RIF1: variants seen among roughly 807,000 people sequenced by gnomAD.
RIF1 encodes replication timing regulatory factor 1.
Under a neutral mutation model 247.1 loss-of-function variants are expected in RIF1, and 45 were observed. The ratio of observed to expected loss-of-function variants is 0.18; its 90% confidence interval spans 0.14 to 0.23. The LOEUF (loss-of-function observed/expected upper bound fraction) is 0.23. Among genes scored for constraint, RIF1 ranks in the 10% least tolerant of loss-of-function variants. The pLI, the probability that RIF1 is intolerant of heterozygous loss-of-function variation, is 1.00. For synonymous variants in RIF1, 1,087 were observed against 978.8 expected (o/e 1.11, Z -2.06); for missense variants, 2,967 against 2,862.5 (o/e 1.04, Z -0.83).
downstream of RIF1, chr2:151,486,630 A>C (rs1459016844): frequency 6.6e-6 from 1 of 152,310 alleles, no homozygotes; most frequent in Non-Finnish European, 1.5e-5. Context: ...ATGCATAAGC[A>C]AGATCTGGTA....
the RIF1 span, chr2:151,532,216 C>T: frequency 8.8e-6 from 2 of 226,692 alleles, no homozygotes; most frequent in Non-Finnish European, 8.7e-6. Flanking sequence ...TCTGCCTCAG[C>T]CTCCCAAGTT....
rs189655274 is a variant in RIF1, at chr2:151,499,356, G to A, written c.*525G>A. ...CTCCATCTCTGGAGTGATGGGGATT[G>A]GAATCCCTTTTCCAACGTTTTCTTT... On this transcript the variant is annotated 3_prime_UTR_variant and NMD_transcript_variant, in exon 11 of 14. Transcript: ENST00000454583. 732 of 1,546,346 alleles carry A rather than the reference G, an allele frequency of 4.7e-4. 5 individuals are homozygous for A. The African/African-American group carries it at 9.0e-3, about 19-fold the overall frequency.
chr2:151,433,386 T>C (rs1690529252), intron 10 of RIF1, among the ~76,000 whole-genome samples, 158 bp downstream of exon 10: 1 of 152,228 alleles, frequency 6.6e-6, no homozygotes, highest in African/African-American at 2.4e-5. Flanking sequence ...TAAATTCATT[T>C]CCCACAAGGG....
At chr2:151,498,423 T>C (rs578076414) in intron 10 of RIF1, 16 of 1,103,770 alleles carry the variant, frequency 1.4e-5, no homozygotes, top group Non-Finnish European at 2.1e-5. Context: ...TTTGGAGCAG[T>C]TGGGAGTGGG....
chr2:151,458,313 A>G (rs1482723902), intron 24 of RIF1, among the ~76,000 whole-genome samples: 6 of 149,270 alleles, frequency 4.0e-5, no homozygotes, highest in Non-Finnish European at 7.4e-5. Context: ...GCTCACTGCA[A>G]GCTCTGCCTC....
At position 151,463,345 on chromosome 2, in the gene RIF1, T is replaced by C. The variant is rs758816261; in HGVS notation, c.3825T>C (p.Ser1275=). The C allele has an allele frequency of 2.5e-6, 4 of 1,613,758 alleles. No homozygotes were observed. The Admixed American group carries it at 6.7e-5, about 27-fold the overall frequency. ...AKQREGTFSK[S]DSEKIVNGTK... Reference sequence around the variant, plus strand: ...AAAGAGAAGGGACTTTTTCAAAATCTGATTCTGAAAAAATAGTGAATGGAA... The same window carrying C: ...AAAGAGAAGGGACTTTTTCAAAATCCGATTCTGAAAAAATAGTGAATGGAA... Residue 1275 remains serine (S), a synonymous_variant, in exon 30 of 36, where the codon TCT becomes TCC. Transcript: ENST00000444746.
At chr2:151,529,138 TA>T in the RIF1 span, 1 of 1,010,558 alleles carries the variant, frequency 9.9e-7, no homozygotes, top group Non-Finnish European at 1.6e-6. Context: ...TGAAGAGATG[TA>T]AAAAGAGGCC....
At chr2:151,457,088 T>G (rs529873095) in intron 23 of RIF1, among the ~76,000 whole-genome samples, 3 of 121,610 alleles carry the variant, frequency 2.5e-5, no homozygotes, top group South Asian at 4.4e-4. Context: ...ATTTATAGGG[T>G]TTTTTTTTTT....
chr2:151,448,487 C>A (rs1693709229), intron 20 of RIF1, among the ~76,000 whole-genome samples: 1 of 152,104 alleles, frequency 6.6e-6, no homozygotes, highest in African/African-American at 2.4e-5. Context: ...ATATCCTCTA[C>A]TTGTTATTAG....
At chr2:151,502,842 A>T in intron 11 of RIF1, 1 of 1,608,992 alleles carries the variant, frequency 6.2e-7, no homozygotes, top group East Asian at 2.2e-5. Context: ...CTCTGGAGTG[A>T]TAGGTGTTGG....
chr2:151,465,406 A>C lies in RIF1; in HGVS notation c.5886A>C (p.Lys1962Asn), dbSNP rs200727646. 6.2e-7 allele frequency: 1 copy of C among 1,613,742 alleles called. No individual in the cohort carries two copies. Among genetic ancestry groups the C allele is most frequent in the East Asian group, 2.2e-5 (1 of 44,872 alleles). Residue 1962 changes from lysine (K) to asparagine (N), a missense_variant, in exon 30 of 36, where the codon AAA becomes AAC. By Grantham distance (94) the Lys-to-Asn change is moderately conservative. Around this residue, in one of 7 missense-constraint regions of RIF1, gnomAD observed 2,028 missense variants for 1,825.6 expected, o/e 1.11. Coordinates refer to ENST00000444746, the MANE Select transcript of RIF1 (RefSeq NM_018151.5). ...CAGACACAGCTAAACTGAATGCCAA[A>C]GAAGTAGCAACTGAGGAATTTAATT... Reference protein sequence around the residue: ...SEADTAKLNAKEVATEEFNSD... With the variant: ...SEADTAKLNANEVATEEFNSD...
At chr2:151,412,754 A>G (rs879622928) in intron 3 of RIF1, among the ~76,000 whole-genome samples, 6 of 151,916 alleles carry the variant, frequency 3.9e-5, no homozygotes, top group Non-Finnish European at 7.4e-5. Context: ...GAGGGCTAGG[A>G]TTATAGGTGT....
At chr2:151,490,632 A>T in intron 9 of RIF1, 2 of 1,302,640 alleles carry the variant, frequency 1.5e-6, no homozygotes, top group Non-Finnish European at 2.1e-6. Context: ...GGTTTTAAGT[A>T]CTTTCCCATG....
intron 30 of RIF1, among the ~76,000 whole-genome samples, chr2:151,467,782 T>C (rs1383269092): frequency 6.6e-6 from 1 of 152,134 alleles, no homozygotes; most frequent in Non-Finnish European, 1.5e-5. Context: ...TTTGGTATTA[T>C]GCAGAGACAG....
chr2:151,497,944 G>GTTAT (rs939312171), intron 10 of RIF1: 190 of 1,444,070 alleles, frequency 1.3e-4, no homozygotes, highest in Non-Finnish European at 1.6e-4. Context: ...AGTTATCCAT[G>GTTAT]TTATTTTTTT....
chr2:151,434,097 G>A (rs937927025), intron 10 of RIF1, among the ~76,000 whole-genome samples: 1 of 150,550 alleles, frequency 6.6e-6, no homozygotes, highest in African/African-American at 2.4e-5. Context: ...GAACCCAGGA[G>A]ATGGAGGTTG....
intron 19 of RIF1, 150 bp downstream of exon 19, chr2:151,445,595 T>G (rs1281840124): frequency 1.6e-6 from 1 of 619,278 alleles, no homozygotes; most frequent in Non-Finnish European, 2.8e-6. Context: ...CGTCCAGGCT[T>G]GGAGTACAGT....
intron 9 of RIF1, among the ~76,000 whole-genome samples, 168 bp from the exon 10 acceptor site, chr2:151,432,909 T>C (rs1690442038): frequency 6.6e-6 from 1 of 152,246 alleles, no homozygotes; most frequent in Non-Finnish European, 1.5e-5. Flanking sequence ...TACTGTAGTT[T>C]ATCAAAATGC....
rs773273163 is a variant in RIF1, at chr2:151,443,677, A to G, written c.1954A>G (p.Ile652Val). Residue 652 changes from isoleucine to valine, a missense_variant, in exon 18 of 36, where the codon ATA becomes GTA. By Grantham distance (29) the Ile-to-Val change is conservative (BLOSUM62 3). Coordinates refer to ENST00000444746, the MANE Select transcript of RIF1 (RefSeq NM_018151.5). ...KEHLWKMWSV[I>V]VTPLTELINQ... ...GCATCTCTGGAAAATGTGGAGTGTT[A>G]TAGTCACCCCATTAACTGAATTGAT... The G allele has an allele frequency of 2.5e-6, 4 of 1,603,912 alleles. No individual in the cohort carries two copies. In the African/African-American group the frequency reaches 5.4e-5, roughly 22 times the overall value.
Sources: gnomAD v4.1 joint callset for allele counts (sites outside exome capture counted in the v4.1 genomes callset) on GRCh38, gnomAD v4.1.1 for gene constraint, gnomAD v4.1.1 regional missense constraint, MANE v1.5 for transcripts, NCBI Gene and HGNC (gene_info 2026-07-23, HGNC 2026-07-21) for gene names.